LNPK: variants seen among roughly 807,000 people sequenced by gnomAD.
LNPK encodes the protein lunapark, ER junction formation factor, also known as endoplasmic reticulum junction formation protein lunapark.
In LNPK, 29 loss-of-function variants were observed where a neutral mutation model predicts 55.2. The ratio of observed to expected loss-of-function variants is 0.53; its 90% CI spans 0.39 to 0.72. The LOEUF is 0.72. Ranked by LOEUF, LNPK falls within the 30% of genes least tolerant of loss-of-function variation. The pLI is 0.00. For missense variants in LNPK, 467 were observed against 494.8 expected (o/e 0.94, Z 0.53); for synonymous variants, 162 against 168.2 (o/e 0.96, Z 0.29).
At chr2:175,983,183 C>T (rs112924836) in intron 4 of LNPK, among the ~76,000 whole-genome samples, 4,887 of 152,160 alleles carry the variant, frequency 0.032, 125 homozygotes, top group Non-Finnish European at 0.054. Context: ...GCAGACACTC[C>T]TCAGTTTGGT....
At chr2:175,984,488 T>C (rs1687319759) in intron 4 of LNPK, among the ~76,000 whole-genome samples, 1 of 152,064 alleles carries the variant, frequency 6.6e-6, no homozygotes, top group African/African-American at 2.4e-5. Context: ...CTTTTATCTA[T>C]AATATATGAA....
At chr2:175,986,527 C>T (rs1303212472) in intron 4 of LNPK, among the ~76,000 whole-genome samples, 2 of 151,884 alleles carry the variant, frequency 1.3e-5, no homozygotes, top group Non-Finnish European at 2.9e-5. Context: ...AAAACATGTA[C>T]AGTGTTATTG....
intron 8 of LNPK, among the ~76,000 whole-genome samples, chr2:175,961,732 G>C (rs2105617139): frequency 6.6e-6 from 1 of 152,234 alleles, no homozygotes; most frequent in African/African-American, 2.4e-5. Context: ...GAAATAAAGG[G>C]TATTCAATTA....
chr2:175,929,611 C>T lies in LNPK; in HGVS notation c.*356G>A. 9.8e-7 allele frequency: 1 copy of T among 1,021,980 alleles called. No individual in the cohort carries two copies. The highest frequency in any genetic ancestry group is 1.2e-6 in the Non-Finnish European group (1 of 853,016). The allele number at this position is 1,021,980 out of a possible 1,614,324, so 63.3% of individuals were successfully genotyped here. A position where few individuals can be genotyped will look rare whatever the true frequency, so the allele number is the denominator to read the frequency against. On this transcript the variant is annotated 3_prime_UTR_variant, in exon 13 of 13. Coordinates refer to ENST00000272748, the MANE Select transcript of LNPK (RefSeq NM_030650.3). Reference sequence around the variant, plus strand: ...AAAACAAACACAATTAGAGAACTTACTCTTAACCAAAGTTCTTCCTATGTC... The same window carrying T: ...AAAACAAACACAATTAGAGAACTTATTCTTAACCAAAGTTCTTCCTATGTC...
intron 8 of LNPK, among the ~76,000 whole-genome samples, chr2:175,948,319 T>C (rs1218500076): frequency 6.6e-6 from 1 of 152,220 alleles, no homozygotes; most frequent in African/African-American, 2.4e-5. Flanking sequence ...ATTACAAGAT[T>C]CTCTGTAACA....
At chr2:175,961,032 G>C (rs938002476) in intron 8 of LNPK, among the ~76,000 whole-genome samples, 8 of 152,098 alleles carry the variant, frequency 5.3e-5, no homozygotes, top group Non-Finnish European at 1.2e-4. Context: ...TCCCTGAATA[G>C]ACTAATAACA....
chr2:175,942,756 C>T (rs111639442), intron 9 of LNPK, among the ~76,000 whole-genome samples: 3,804 of 150,992 alleles, frequency 0.025, 159 homozygotes, highest in African/African-American at 0.086. Context: ...TTTCAGCTTC[C>T]ACATTAAGAA....
intron 6 of LNPK, 39 bp from the exon 7 acceptor site, chr2:175,964,628 A>G (rs989868202): frequency 2.9e-6 from 3 of 1,040,384 alleles, no homozygotes; most frequent in African/African-American, 3.1e-5. Context: ...ACACTTCAAA[A>G]CACACACTAC....
Position 175,944,916 on chromosome 2 carries a change from T to C in LNPK, c.706+2564A>G, listed in dbSNP as rs567031254. Among the ~76,000 whole-genome samples the C allele has an allele frequency of 2.0e-5, 3 of 152,076 alleles. No individual in the cohort carries two copies. The East Asian group carries it at 5.8e-4, about 30-fold the overall frequency. ...TAGGTTCTAGACCAAGTTCTTAGTATTAGAAATCAAGTACACTTTGTTTTT... is the reference window on the plus strand; with the variant it reads ...TAGGTTCTAGACCAAGTTCTTAGTACTAGAAATCAAGTACACTTTGTTTTT... On this transcript the variant is annotated intron_variant, in intron 9 of 12. Coordinates refer to ENST00000272748, the MANE Select transcript of LNPK (RefSeq NM_030650.3).
intron 9 of LNPK, chr2:175,940,842 CAGATAA>C: frequency 3.4e-6 from 1 of 293,310 alleles, no homozygotes; most frequent in South Asian, 2.7e-5. Flanking sequence ...TGAACTTCTA[CAGATAA>C]AAACTACAAT....
In LNPK at chr2:175,947,563, G is replaced by A. The variant is rs764975313; in HGVS notation, c.623C>T (p.Pro208Leu). ...TAGGGCTGGAGTAACAGTCCTTTCT[G>A]GGGGTCCACCAGGGGCAGAACTGTC... ...PKDSSAPGGP[P>L]ERTVTPALSS... Residue 208 changes from proline (P) to leucine (L), a missense_variant, in exon 9 of 13, where the codon CCA becomes CTA. Physicochemically the swap from Pro to Leu is moderately conservative, Grantham distance 98. Coordinates refer to ENST00000272748, the MANE Select transcript of LNPK (RefSeq NM_030650.3). 6.2e-7 allele frequency: 1 copy of A among 1,613,884 alleles called. No homozygotes were observed. Among genetic ancestry groups the A allele is most frequent in the Admixed American group, 1.7e-5 (1 of 60,004 alleles).
intron 1 of LNPK, among the ~76,000 whole-genome samples, chr2:175,998,181 C>T (rs13392538): frequency 3.9e-5 from 6 of 152,194 alleles, no homozygotes; most frequent in African/African-American, 1.2e-4. Context: ...CGGTGGCTCA[C>T]GCCTGTAATC....
At chr2:176,001,687 C>G (rs1688166080) in intron 1 of LNPK, among the ~76,000 whole-genome samples, 1 of 152,156 alleles carries the variant, frequency 6.6e-6, no homozygotes, top group Admixed American at 6.5e-5. Context: ...CTTTCTAACT[C>G]TTGGAGCCTC....
At chr2:175,993,318 A>G (rs1687783848) in intron 2 of LNPK, 95 bp from the exon 3 acceptor site, 1 of 685,514 alleles carries the variant, frequency 1.5e-6, no homozygotes, top group African/African-American at 1.9e-5. Flanking sequence ...TTCAAAATTA[A>G]ATTTTCTCAA....
Position 175,929,526 on chromosome 2 carries a change from T to A in LNPK, c.*441A>T. On this transcript the variant is annotated 3_prime_UTR_variant, in exon 13 of 13. Transcript: ENST00000272748. Reference sequence around the variant, plus strand: ...TCCCAGTTGTAAATATCTCAGGAGCTAAAATTCTATCAATTTTTAATAATG... The same window carrying A: ...TCCCAGTTGTAAATATCTCAGGAGCAAAAATTCTATCAATTTTTAATAATG... 2 of 994,254 alleles carry A rather than the reference T, an allele frequency of 2.0e-6. No homozygotes were observed. The highest frequency in any genetic ancestry group is 2.4e-6 in the Non-Finnish European group (2 of 835,190). The allele number at this position is 994,254 out of a possible 1,614,324, so 61.6% of individuals were successfully genotyped here.
At chr2:175,959,663 A>G (rs1685903599) in intron 8 of LNPK, among the ~76,000 whole-genome samples, 1 of 152,202 alleles carries the variant, frequency 6.6e-6, no homozygotes, top group Admixed American at 6.5e-5. Context: ...CTAACAAGCA[A>G]AATAACCAGC....
At chr2:175,964,262 C>T (rs957078567) in intron 8 of LNPK, 110 bp downstream of exon 8, 3 of 742,962 alleles carry the variant, frequency 4.0e-6, no homozygotes, top group Non-Finnish European at 6.8e-6. Flanking sequence ...TATAAATTTA[C>T]ACAGAAGCAT....
chr2:175,952,403 A>G (rs1685468383), intron 8 of LNPK, among the ~76,000 whole-genome samples: 1 of 151,856 alleles, frequency 6.6e-6, no homozygotes. Flanking sequence ...GGGCACAGGG[A>G]TATATTTTCA....
intron 9 of LNPK, among the ~76,000 whole-genome samples, chr2:175,941,979 T>C (rs1426741721): frequency 2.0e-5 from 3 of 151,942 alleles, no homozygotes; most frequent in Non-Finnish European, 4.4e-5. Flanking sequence ...CTGTCAAAAA[T>C]GTTATATCCA....
Sources: gnomAD v4.1 joint callset for allele counts (sites outside exome capture counted in the v4.1 genomes callset) on GRCh38, gnomAD v4.1.1 for gene constraint, MANE v1.5 for transcripts, NCBI Gene and HGNC (gene_info 2026-07-23, HGNC 2026-07-21) for gene names.